ZNF569: variants seen among roughly 807,000 people sequenced by gnomAD.
ZNF569 encodes the protein zinc finger protein 569.
Under a neutral mutation model 56.3 loss-of-function variants are expected in ZNF569, and 38 were observed. The observed-to-expected ratio is 0.68, with a 90% CI of 0.52 to 0.88. The LOEUF is 0.88. Among genes scored for constraint, ZNF569 ranks in the 40% least tolerant of loss-of-function variants. The probability of loss-of-function intolerance (pLI) is 0.00; values close to 1 mark genes in which losing one functional copy is unlikely to be tolerated. For synonymous variants in ZNF569, 241 were observed against 262.9 expected (o/e 0.92, Z 0.81); for missense variants, 666 against 809.2 (o/e 0.82, Z 2.15).
At chr19:37,443,697 A>G (rs2041446136) in intron 3 of ZNF569, among the ~76,000 whole-genome samples, 1 of 152,064 alleles carries the variant, frequency 6.6e-6, no homozygotes, top group South Asian at 2.1e-4. Context: ...TTCTTAAGAT[A>G]GTCTAGTTTT....
chr19:37,448,058 C>A lies in ZNF569; in HGVS notation c.-43-3094G>T, dbSNP rs998447558. Among the ~76,000 whole-genome samples the A allele has an allele frequency of 3.9e-5, 6 of 152,068 alleles. No individual in the cohort carries two copies. In the South Asian group the frequency reaches 1.2e-3, roughly 31 times the overall value. The stretch of plus-strand genomic sequence containing the variant: ...CTAGTCTGTAGTTTTCTTGTAATAT[C>A]TTTGGCTTTGGTATCTGGGCAAAGC... On this transcript the variant is annotated intron_variant, in intron 2 of 5. Transcript: ENST00000316950.
At chr19:37,422,524 A>G (rs2041055195) in intron 5 of ZNF569, among the ~76,000 whole-genome samples, 1 of 152,204 alleles carries the variant, frequency 6.6e-6, no homozygotes, top group African/African-American at 2.4e-5. Context: ...CAGTGAGCAC[A>G]TGCTTTTGGA....
At chr19:37,419,722 CAA>C (rs570646425) in intron 5 of ZNF569, among the ~76,000 whole-genome samples, 1 of 140,092 alleles carries the variant, frequency 7.1e-6, no homozygotes, top group Non-Finnish European at 1.6e-5. Flanking sequence ...GACTACGTCT[CAA>C]AAAAAAAAAA....
At chr19:37,459,452 G>GA (rs1232638795) in intron 2 of ZNF569, among the ~76,000 whole-genome samples, 1 of 152,098 alleles carries the variant, frequency 6.6e-6, no homozygotes, top group Non-Finnish European at 1.5e-5. Context: ...CACCAACCTA[G>GA]AATTCTCTCT....
In ZNF569 at chr19:37,418,351, G is replaced by A. The variant is rs138848653; in HGVS notation, c.239-3932C>T. Among the ~76,000 whole-genome samples, 539 of 151,998 alleles carry A rather than the reference G, an allele frequency of 3.5e-3. 4 individuals carry two copies. The highest frequency in any genetic ancestry group is 0.012 in the African/African-American group (518 of 41,478). ...GGAAAAGAAATAGTAAGAAGTTGAG[G>A]TTAAATATGGTATAATAAATACATG... is the stretch of plus-strand genomic sequence containing the variant. On this transcript the variant is annotated intron_variant, in intron 5 of 5. Transcript: ENST00000316950.
At chr19:37,461,744 T>G (rs2041760440) in intron 2 of ZNF569, among the ~76,000 whole-genome samples, 2 of 152,168 alleles carry the variant, frequency 1.3e-5, no homozygotes, top group Admixed American at 1.3e-4. Flanking sequence ...TCCACTTACC[T>G]AGCCTAAAAT....
chr19:37,439,535 AGCAATCCCACT>A (rs2041369368), intron 3 of ZNF569, among the ~76,000 whole-genome samples: 1 of 152,262 alleles, frequency 6.6e-6, no homozygotes, highest in African/African-American at 2.4e-5. Flanking sequence ...GATATAATCC[AGCAATCCCACT>A]GCTAAGTATA....
intron 3 of ZNF569, among the ~76,000 whole-genome samples, chr19:37,432,624 C>T (rs2041244018): frequency 6.6e-6 from 1 of 152,230 alleles, no homozygotes; most frequent in African/African-American, 2.4e-5. Context: ...TAGACATCAA[C>T]AAACATTCAC....
chr19:37,424,517 C>G (rs2146884084), intron 5 of ZNF569, among the ~76,000 whole-genome samples: 1 of 152,058 alleles, frequency 6.6e-6, no homozygotes, highest in Non-Finnish European at 1.5e-5. Flanking sequence ...TTTTGTACTA[C>G]AAAAGTGTAC....
intron 4 of ZNF569, 118 bp downstream of exon 4, chr19:37,426,134 G>T: frequency 1.5e-6 from 2 of 1,347,594 alleles, no homozygotes; most frequent in Non-Finnish European, 2.0e-6. Flanking sequence ...ATGAGCAAAA[G>T]CATCCCAAGG....
chr19:37,435,916 A>G (rs999257601), intron 3 of ZNF569, among the ~76,000 whole-genome samples: 8 of 152,192 alleles, frequency 5.3e-5, no homozygotes, highest in Admixed American at 4.6e-4. Context: ...TCAACATTCT[A>G]CTTTCAGCAC....
chr19:37,436,096 T>C (rs965744545), intron 3 of ZNF569, among the ~76,000 whole-genome samples: 3 of 152,084 alleles, frequency 2.0e-5, no homozygotes, highest in East Asian at 1.9e-4. Context: ...TGTTAGGCCA[T>C]AAACCAGTCT....
chr19:37,429,329 GATA>G (rs2041188351), intron 3 of ZNF569, among the ~76,000 whole-genome samples: 2 of 152,174 alleles, frequency 1.3e-5, no homozygotes, highest in Admixed American at 1.3e-4. Context: ...AGCCATTTGA[GATA>G]ATAAGGCAGA....
chr19:37,467,978 G>C, upstream of ZNF569: 5 of 1,529,826 alleles, frequency 3.3e-6, no homozygotes, highest in Non-Finnish European at 4.4e-6. Flanking sequence ...TGAGCGAAAA[G>C]TAGTGTGGCC....
intron 5 of ZNF569, among the ~76,000 whole-genome samples, chr19:37,416,608 T>C (rs1035703901): frequency 3.2e-4 from 48 of 152,224 alleles, no homozygotes; most frequent in African/African-American, 1.0e-3. Flanking sequence ...ATATAAATGC[T>C]ATGTAAATCA....
upstream of ZNF569, chr19:37,469,018 GC>G: frequency 1.0e-6 from 1 of 982,088 alleles, no homozygotes; most frequent in Non-Finnish European, 1.2e-6. Flanking sequence ...TCAACTCCCC[GC>G]CCTGGTTGCT....
chr19:37,455,550 G>A (rs866832686), intron 2 of ZNF569, among the ~76,000 whole-genome samples: 8 of 152,082 alleles, frequency 5.3e-5, no homozygotes, highest in Middle Eastern at 6.8e-3. Flanking sequence ...TTGAATCCAC[G>A]TTTTGCCAAA....
intron 2 of ZNF569, among the ~76,000 whole-genome samples, chr19:37,461,614 A>G (rs188323281): frequency 4.9e-4 from 74 of 152,068 alleles, no homozygotes; most frequent in Admixed American, 5.9e-4. Flanking sequence ...CCATCCTTCT[A>G]TGTCTCACCT....
intron 3 of ZNF569, among the ~76,000 whole-genome samples, chr19:37,439,527 T>C (rs1472322530): frequency 1.3e-5 from 2 of 152,196 alleles, no homozygotes; most frequent in South Asian, 2.1e-4. Flanking sequence ...AGAACTATGA[T>C]ATAATCCAGC....
Sources: gnomAD v4.1 joint callset for allele counts (sites outside exome capture counted in the v4.1 genomes callset) on GRCh38, gnomAD v4.1.1 for gene constraint, MANE v1.5 for transcripts, NCBI Gene and HGNC (gene_info 2026-07-23, HGNC 2026-07-21) for gene names.